Variants in TRAF3 observed in about 807,000 individuals in gnomAD.
TRAF3 encodes the protein TNF receptor-associated factor 3.
A neutral mutation model predicts 62.3 loss-of-function variants in TRAF3; 13 were observed. That is an observed-to-expected ratio of 0.21 (90% CI 0.14 to 0.33). The LOEUF (loss-of-function observed/expected upper bound fraction) is 0.33, where lower values mean the gene tolerates loss of function less well. TRAF3 is among the 10% of genes least tolerant of loss of function. The pLI is 1.00. For missense variants in TRAF3, 440 were observed against 741.8 expected, an observed-to-expected ratio of 0.59 and a Z score of 4.73; for synonymous variants, 269 against 283.4, an observed-to-expected ratio of 0.95 and a Z score of 0.51.
chr14:102,789,085 C>T (rs899835071), intron 1 of TRAF3, among the ~76,000 whole-genome samples: 4 of 152,194 alleles, frequency 2.6e-5, no homozygotes, highest in Non-Finnish European at 5.9e-5. Flanking sequence ...TGTGGATTTG[C>T]CTATTTTAGA....
chr14:102,878,839 G>A (rs967578992), intron 6 of TRAF3, among the ~76,000 whole-genome samples: 1 of 152,142 alleles, frequency 6.6e-6, no homozygotes, highest in South Asian at 2.1e-4. Context: ...GGGCAGCCCA[G>A]AACTGGGAGG....
intron 3 of TRAF3, among the ~76,000 whole-genome samples, chr14:102,871,279 TC>T (rs1888328234): frequency 6.6e-6 from 1 of 152,228 alleles, no homozygotes; most frequent in Non-Finnish European, 1.5e-5. Context: ...TACCCACTCA[TC>T]CCAAATAGTC....
intron 9 of TRAF3, among the ~76,000 whole-genome samples, chr14:102,896,140 T>C (rs1409192352): frequency 1.3e-5 from 2 of 152,162 alleles, no homozygotes; most frequent in Non-Finnish European, 2.9e-5. Flanking sequence ...TCGAGCTAAT[T>C]AACATATCCA....
At chr14:102,872,049 C>G (rs899925222) in intron 4 of TRAF3, 81 bp downstream of exon 4, 15 of 1,426,866 alleles carry the variant, frequency 1.1e-5, no homozygotes, top group Non-Finnish European at 1.5e-5. Context: ...ATTCGGCACT[C>G]TGGCACAACA....
chr14:102,910,399 C>G lies in TRAF3; in HGVS notation c.*4615C>G, dbSNP rs1280090335. 2.6e-5 allele frequency: 4 copies of G among 152,248 alleles called. No individual in the cohort carries two copies. The highest frequency in any genetic ancestry group is 1.9e-4 in the East Asian group (1 of 5,202). The allele number at this position is 152,248 out of a possible 1,614,324, so 9.4% of individuals were successfully genotyped here. A position where few individuals can be genotyped will look rare whatever the true frequency, so the allele number is the denominator to read the frequency against. ...TACTTCTCAGCCCATGACCATAGTT[C>G]TGTTTTCCGTTTGCAAATCTCAGTA... On this transcript the variant is annotated 3_prime_UTR_variant, in exon 12 of 12. Coordinates refer to ENST00000392745, the MANE Select transcript of TRAF3 (RefSeq NM_145725.3).
intron 6 of TRAF3, 75 bp from the exon 7 acceptor site, chr14:102,886,114 C>T (rs1889367947): frequency 2.0e-6 from 3 of 1,504,206 alleles, no homozygotes; most frequent in South Asian, 1.2e-5. Context: ...TCCTGGGGGC[C>T]CCATGGGGAT....
intron 6 of TRAF3, among the ~76,000 whole-genome samples, chr14:102,876,982 T>A (rs976934626): frequency 6.8e-6 from 1 of 146,920 alleles, no homozygotes; most frequent in African/African-American, 2.6e-5. Context: ...CCACAGGCCT[T>A]CCCTCAACTC....
At chr14:102,817,253 G>GACTT in intron 1 of TRAF3, among the ~76,000 whole-genome samples, 1 of 152,254 alleles carries the variant, frequency 6.6e-6, no homozygotes, top group Middle Eastern at 3.4e-3. Context: ...GGATGGGTGA[G>GACTT]ACTTGACCAC....
At position 102,911,151 on chromosome 14, in the gene TRAF3, G is replaced by A. The variant is rs963356203; in HGVS notation, c.*5367G>A. On this transcript the variant is annotated 3_prime_UTR_variant, in exon 12 of 12. Transcript: ENST00000392745. ...AAAGTTGCGTCTGTAGTAGCCGCTTGCTGTGAAGACACATCTTGACAGTCC... is the reference window on the plus strand; with the variant it reads ...AAAGTTGCGTCTGTAGTAGCCGCTTACTGTGAAGACACATCTTGACAGTCC... 3 of 152,180 alleles carry A rather than the reference G, an allele frequency of 2.0e-5. No homozygotes were observed. The highest frequency in any genetic ancestry group is 7.2e-5 in the African/African-American group (3 of 41,438). 9.4% of individuals were successfully genotyped at this position (152,180 alleles called of 1,614,324 possible).
chr14:102,892,332 A>C (rs1889769902), intron 9 of TRAF3, among the ~76,000 whole-genome samples: 1 of 152,202 alleles, frequency 6.6e-6, no homozygotes, highest in Non-Finnish European at 1.5e-5. Context: ...TGCTGGGATG[A>C]CAGGCGTGAG....
intron 1 of TRAF3, among the ~76,000 whole-genome samples, chr14:102,828,360 T>C (rs1318496835): frequency 6.6e-6 from 1 of 152,240 alleles, no homozygotes; most frequent in Non-Finnish European, 1.5e-5. Context: ...TGCTGACTGT[T>C]GCCTGCAGTC....
At chr14:102,838,808 T>A (rs1037991350) in intron 2 of TRAF3, among the ~76,000 whole-genome samples, 1 of 152,138 alleles carries the variant, frequency 6.6e-6, no homozygotes, top group Admixed American at 6.5e-5. Flanking sequence ...GGAGGGGGTA[T>A]GTTGTGAATT....
rs1408958799 is a variant in TRAF3 at position 102,826,147 on chromosome 14, G to T, written c.-156-4187G>T. On this transcript the variant is annotated intron_variant, in intron 1 of 11. Transcript: ENST00000392745. The surrounding 1 kb of genome is among the most constrained non-coding windows in gnomAD (Gnocchi z 4.6). ...TTGGTGTCAGTGAACTCTGTTTTGGGTATCTACAAAAGCAGAAGGGGAGGT... is the reference window on the plus strand; with the variant it reads ...TTGGTGTCAGTGAACTCTGTTTTGGTTATCTACAAAAGCAGAAGGGGAGGT... 8.5e-5 allele frequency among the ~76,000 whole-genome samples: 13 copies of T among 152,266 alleles called. No individual in the cohort carries two copies. The South Asian group carries it at 2.3e-3, about 27-fold the overall frequency.
chr14:102,838,562 A>G (rs1462301444), intron 2 of TRAF3, among the ~76,000 whole-genome samples: 1 of 152,260 alleles, frequency 6.6e-6, no homozygotes, highest in African/African-American at 2.4e-5. Context: ...GTTTAGTGGA[A>G]AACCATGAGT....
intron 6 of TRAF3, among the ~76,000 whole-genome samples, chr14:102,880,319 G>C (rs972875713): frequency 6.6e-6 from 1 of 152,146 alleles, no homozygotes; most frequent in Non-Finnish European, 1.5e-5. Context: ...TCTCTAGAAC[G>C]AAAATAATAA....
At chr14:102,891,237 A>G in intron 8 of TRAF3, 88 bp from the exon 9 acceptor site, 2 of 1,226,360 alleles carry the variant, frequency 1.6e-6, no homozygotes, top group Non-Finnish European at 2.3e-6. Flanking sequence ...CTTTGTGTTT[A>G]GTGCTGCTTT....
chr14:102,787,545 G>T (rs1044793156), intron 1 of TRAF3, among the ~76,000 whole-genome samples: 2 of 151,902 alleles, frequency 1.3e-5, no homozygotes, highest in Non-Finnish European at 2.9e-5. Flanking sequence ...AAATTAGCTG[G>T]GTGTGGTGGC....
At chr14:102,804,197 A>C (rs1301890191) in intron 1 of TRAF3, among the ~76,000 whole-genome samples, 2 of 151,976 alleles carry the variant, frequency 1.3e-5, no homozygotes, top group Non-Finnish European at 2.9e-5. Flanking sequence ...AAAAAAAAAA[A>C]CAAAAAAAAC....
intron 2 of TRAF3, among the ~76,000 whole-genome samples, chr14:102,841,769 T>C (rs1395180275): frequency 6.6e-6 from 1 of 151,418 alleles, no homozygotes; most frequent in African/African-American, 2.4e-5. Flanking sequence ...AGGAAGAAAA[T>C]CAAGAGAAAC....
Sources: allele counts gnomAD v4.1 joint callset (sites outside exome capture counted in the v4.1 genomes callset), GRCh38; gene constraint gnomAD v4.1.1; non-coding constraint Gnocchi (gnomAD v3.1); transcripts MANE v1.5; gene names NCBI Gene and HGNC (gene_info 2026-07-23, HGNC 2026-07-21).